Variants in CCR1 observed in about 807,000 individuals in gnomAD.
The protein encoded by CCR1 is C-C motif chemokine receptor 1.
Under a neutral mutation model 0.3 loss-of-function variants are expected in CCR1, and 1 was observed. The observed-to-expected ratio is 3.70, with a 90% CI of 1.31 to 17.54. CCR1 has a LOEUF of 17.54. Among genes scored for constraint, CCR1 ranks in the 30% most tolerant of loss-of-function variants. The pLI is 0.11. For missense variants in CCR1, 349 were observed against 435.4 expected (o/e 0.80, Z 1.77); for synonymous variants, 207 against 182.5 (o/e 1.13, Z -1.08).
intron 1 of CCR1, among the ~76,000 whole-genome samples, chr3:46,207,104 A>G (rs562600066): frequency 1.7e-4 from 26 of 152,290 alleles, no homozygotes; most frequent in Non-Finnish European, 1.3e-4. Context: ...AAATCAACAA[A>G]TGTTATAAAG....
chr3:46,205,918 G>A (rs2125920914), intron 1 of CCR1, among the ~76,000 whole-genome samples: 1 of 152,256 alleles, frequency 6.6e-6, no homozygotes, highest in East Asian at 1.9e-4. Context: ...CCAATGTCCA[G>A]GATGTCCCTG....
In CCR1 at chr3:46,203,389, G is replaced by T; in HGVS notation, c.925C>A (p.Arg309=). ...VIYAFVGERF[R]KYLRQLFHRR... ...TGGAACAACTGCCGCAGGTACTTCC[G>T]GAACCTCTCACCAACGAAGGCGTAG... The change falls in exon 2 of 2, where the codon CGG becomes AGG. Residue 309 remains arginine, a synonymous_variant. Coordinates refer to ENST00000296140, the MANE Select transcript of CCR1 (RefSeq NM_001295.3). The surrounding 1 kb of genome is among the most constrained non-coding windows in gnomAD (Gnocchi z 4.5). The T allele has an allele frequency of 1.2e-6, 2 of 1,614,122 alleles. No individual in the cohort carries two copies. The highest frequency in any genetic ancestry group is 8.5e-7 in the Non-Finnish European group (1 of 1,180,016).
At chr3:46,206,334 G>C (rs1699648276) in intron 1 of CCR1, among the ~76,000 whole-genome samples, 1 of 152,082 alleles carries the variant, frequency 6.6e-6, no homozygotes. Context: ...CCCATCCCCT[G>C]GCCCACTCCT....
In CCR1 at chr3:46,204,065, G is replaced by A. The variant is rs915851599; in HGVS notation, c.249C>T (p.Phe83=). Residue 83 remains phenylalanine, a synonymous_variant, in exon 2 of 2, where the codon TTC becomes TTT. Coordinates refer to ENST00000296140, the MANE Select transcript of CCR1 (RefSeq NM_001295.3). ...LLNLAISDLL[F]LFTLPFWIDY... ...CGATCCAGAAGGGAAGCGTGAACAG[G>A]AAGAGCAGGTCAGAAATGGCCAGGT... The A allele has an allele frequency of 3.7e-6, 6 of 1,614,218 alleles. No individual in the cohort carries two copies. The highest frequency in any genetic ancestry group is 4.5e-5 in the East Asian group (2 of 44,878).
Position 46,203,107 on chromosome 3 carries a change from A to C in CCR1, c.*139T>G. 1.6e-6 allele frequency: 1 copy of C among 611,310 alleles called. No homozygotes were observed. The highest frequency in any genetic ancestry group is 2.9e-6 in the Non-Finnish European group (1 of 349,170). 37.9% of individuals were successfully genotyped at this position (611,310 alleles called of 1,614,324 possible). Reference sequence around the variant, plus strand: ...GCCTCAGAAGCCCCAGGCCACCATTACATTCCCTCTCTATCCCAAGTGGCT... The same window carrying C: ...GCCTCAGAAGCCCCAGGCCACCATTCCATTCCCTCTCTATCCCAAGTGGCT... On this transcript the variant is annotated 3_prime_UTR_variant, in exon 2 of 2. Coordinates refer to ENST00000296140, the MANE Select transcript of CCR1 (RefSeq NM_001295.3). The surrounding 1 kb of genome is among the most constrained non-coding windows in gnomAD (Gnocchi z 4.5).
Position 46,203,708 on chromosome 3 carries a change from T to C in CCR1, c.606A>G (p.Lys202=). Residue 202 remains lysine, a synonymous_variant, in exon 2 of 2, where the codon AAA becomes AAG. Transcript: ENST00000296140. This position sits in a 1 kb window ranked among gnomAD's most constrained non-coding sequence, Gnocchi z 4.5. ...GCAATACCAGCCCAAAGAGGTTCAGTTTCAGAGCCTGAAACAGCTTCCACT... is the reference window on the plus strand; with the variant it reads ...GCAATACCAGCCCAAAGAGGTTCAGCTTCAGAGCCTGAAACAGCTTCCACT... ...LREWKLFQAL[K]LNLFGLVLPL... is the part of the protein sequence containing the mutation. 1 of 1,614,112 alleles carries C rather than the reference T, an allele frequency of 6.2e-7. No homozygotes were observed. Among genetic ancestry groups the C allele is most frequent in the South Asian group, 1.1e-5 (1 of 91,074 alleles).
Position 46,203,650 on chromosome 3 carries a change from T to C in CCR1, c.664A>G (p.Ile222Val). ...GGTCGTCTTAGCAGAATCTTTATAA[T>C]CCCTGTGTAGCAGATGATCATGACC... ...LLVMIICYTG[I>V]IKILLRRPNE... Residue 222 changes from isoleucine (I) to valine (V), a missense_variant, in exon 2 of 2, where the codon ATT becomes GTT. Physicochemically the swap from Ile to Val is conservative, Grantham distance 29. Coordinates refer to ENST00000296140, the MANE Select transcript of CCR1 (RefSeq NM_001295.3). The surrounding 1 kb of genome is among the most constrained non-coding windows in gnomAD (Gnocchi z 4.5). 1.2e-6 allele frequency: 2 copies of C among 1,614,192 alleles called. No homozygotes were observed. The highest frequency in any genetic ancestry group is 1.7e-6 in the Non-Finnish European group (2 of 1,180,032).
Position 46,203,787 on chromosome 3 carries a change from C to A in CCR1, c.527G>T (p.Trp176Leu). 6.2e-7 allele frequency: 1 copy of A among 1,614,188 alleles called. No homozygotes were observed. Among genetic ancestry groups the A allele is most frequent in the African/African-American group, 1.3e-5 (1 of 75,044 alleles). Residue 176 changes from tryptophan to leucine, a missense_variant, in exon 2 of 2, where the codon TGG becomes TTG. Transcript: ENST00000296140. This position sits in a 1 kb window ranked among gnomAD's most constrained non-coding sequence, Gnocchi z 4.5. ...MPGLYFSKTQ[W>L]EFTHHTCSLH... is the part of the protein sequence containing the mutation. Reference sequence around the variant, plus strand: ...GCTGCAGGTGTGGTGAGTGAATTCCCATTGGGTCTTGGAAAAGTATAAGCC... The same window carrying A: ...GCTGCAGGTGTGGTGAGTGAATTCCAATTGGGTCTTGGAAAAGTATAAGCC...
At chr3:46,205,953 A>AT (rs371225375) in intron 1 of CCR1, among the ~76,000 whole-genome samples, 19 of 151,812 alleles carry the variant, frequency 1.3e-4, no homozygotes, top group African/African-American at 4.6e-4. Context: ...CCTGTCTCCC[A>AT]CCCCCCTGCC....
Position 46,203,732 on chromosome 3 carries a change from C to T in CCR1, c.582G>A (p.Glu194=), listed in dbSNP as rs540335334. 2 of 1,614,138 alleles carry T rather than the reference C, an allele frequency of 1.2e-6. No homozygotes were observed. Among genetic ancestry groups the T allele is most frequent in the South Asian group, 2.2e-5 (2 of 91,076 alleles). Residue 194 remains glutamate (E), a synonymous_variant, in exon 2 of 2, where the codon GAG becomes GAA. Transcript: ENST00000296140. The surrounding 1 kb of genome is among the most constrained non-coding windows in gnomAD (Gnocchi z 4.5). ...SLHFPHESLR[E]WKLFQALKLN... is the part of the protein sequence containing the mutation. ...GTTTCAGAGCCTGAAACAGCTTCCA[C>T]TCTCGTAGGCTTTCGTGAGGAAAGT...
intron 1 of CCR1, among the ~76,000 whole-genome samples, chr3:46,206,299 T>C (rs1465749145): frequency 6.6e-6 from 1 of 151,986 alleles, no homozygotes; most frequent in African/African-American, 2.4e-5. Flanking sequence ...GGGTGAGAAG[T>C]GAGGAGCTTT....
intron 1 of CCR1, among the ~76,000 whole-genome samples, chr3:46,204,852 C>T (rs191775633): frequency 8.9e-4 from 135 of 152,322 alleles, no homozygotes; most frequent in African/African-American, 3.2e-3. Context: ...TTCTCATGCC[C>T]GGCCCTGACA....
intron 1 of CCR1, among the ~76,000 whole-genome samples, chr3:46,206,765 C>T (rs1054362294): frequency 2.6e-5 from 4 of 152,158 alleles, no homozygotes; most frequent in Admixed American, 6.5e-5. Context: ...GGGTGGGGCC[C>T]GAGAAGAGAA....
chr3:46,203,642 C>A lies in CCR1; in HGVS notation c.672G>T (p.Lys224Asn), dbSNP rs1229296829. 6.2e-7 allele frequency: 1 copy of A among 1,614,090 alleles called. No homozygotes were observed. Among genetic ancestry groups the A allele is most frequent in the East Asian group, 2.2e-5 (1 of 44,900 alleles). ...VMIICYTGII[K>N]ILLRRPNEKK... ...TCTCATTTGGTCGTCTTAGCAGAAT[C>A]TTTATAATCCCTGTGTAGCAGATGA... Residue 224 changes from lysine (K) to asparagine (N), a missense_variant, in exon 2 of 2, where the codon AAG (lysine) becomes AAT (asparagine). Physicochemically the swap from Lys to Asn is moderately conservative, Grantham distance 94. Transcript: ENST00000296140. This position sits in a 1 kb window ranked among gnomAD's most constrained non-coding sequence, Gnocchi z 4.5.
Position 46,203,774 on chromosome 3 carries a change from G to A in CCR1, c.540C>T (p.His180=). The A allele has an allele frequency of 6.2e-7, 1 of 1,614,196 alleles. No homozygotes were observed. The highest frequency in any genetic ancestry group is 1.6e-4 in the Middle Eastern group (1 of 6,062). ...GAGGAAAGTGAAGGCTGCAGGTGTG[G>A]TGAGTGAATTCCCATTGGGTCTTGG... The part of the protein sequence containing the change: ...YFSKTQWEFT[H]HTCSLHFPHE... The change falls in exon 2 of 2, where the codon CAC becomes CAT. Residue 180 remains histidine (H), a synonymous_variant. Transcript: ENST00000296140. The surrounding 1 kb of genome is among the most constrained non-coding windows in gnomAD (Gnocchi z 4.5).
chr3:46,204,340 A>T lies in CCR1; in HGVS notation c.-11-16T>A, dbSNP rs200851262. ...CCGGCTTCTCCTACAGGTTAAAAAA[A>T]AAAAAAAGATTTGTCTTTACTCTGC... On this transcript the variant is annotated splice_polypyrimidine_tract_variant and intron_variant, in intron 1 of 1. Transcript: ENST00000296140. The T allele has an allele frequency of 2.7e-6, 4 of 1,479,962 alleles. 1 individual carries two copies. In the South Asian group the frequency reaches 5.4e-5, roughly 20 times the overall value. The allele number at this position is 1,479,962 out of a possible 1,614,324, so 91.7% of individuals were successfully genotyped here.
intron 1 of CCR1, among the ~76,000 whole-genome samples, chr3:46,206,260 C>T (rs1699647635): frequency 6.6e-6 from 1 of 152,200 alleles, no homozygotes; most frequent in Admixed American, 6.5e-5. Context: ...GTATAGGGCA[C>T]CCTGGCTGGA....
intron 1 of CCR1, among the ~76,000 whole-genome samples, chr3:46,206,697 C>A (rs1482222683): frequency 6.6e-6 from 1 of 152,214 alleles, no homozygotes; most frequent in African/African-American, 2.4e-5. Flanking sequence ...ATTTCCCCAA[C>A]TTGTTAAGCC....
chr3:46,206,221 A>T (rs572635553), intron 1 of CCR1, among the ~76,000 whole-genome samples: 1 of 152,014 alleles, frequency 6.6e-6, no homozygotes, highest in East Asian at 1.9e-4. Flanking sequence ...TTCAATAGCC[A>T]TTGTAAAGGA....
Sources: allele counts gnomAD v4.1 joint callset (sites outside exome capture counted in the v4.1 genomes callset), GRCh38; gene constraint gnomAD v4.1.1; non-coding constraint Gnocchi (gnomAD v3.1); transcripts MANE v1.5; gene names NCBI Gene and HGNC (gene_info 2026-07-23, HGNC 2026-07-21).